Variants in PHACTR4 observed in about 807,000 individuals in gnomAD.
PHACTR4 encodes the protein protein phosphatase 1, regulatory subunit 124.
PHACTR4 carries 51 observed loss-of-function variants against 72.7 expected under a neutral mutation model. That is an observed-to-expected ratio of 0.70 (90% CI 0.56 to 0.89). PHACTR4 has a LOEUF of 0.89. PHACTR4 is among the 40% of genes least tolerant of loss of function. The pLI is 0.00. For synonymous variants in PHACTR4, 255 were observed against 302.5 expected, an observed-to-expected ratio of 0.84 and a Z score of 1.63; for missense variants, 731 against 861.8, an observed-to-expected ratio of 0.85 and a Z score of 1.90.
rs373106184 is a variant in PHACTR4, at chr1:28,491,752, G to A, written c.1981G>A (p.Asp661Asn). The A allele has an allele frequency of 1.8e-5, 29 of 1,614,102 alleles. No individual in the cohort carries two copies. The highest frequency in any genetic ancestry group is 8.8e-5 in the South Asian group (8 of 91,070). The stretch of plus-strand genomic sequence containing the variant: ...TGCTCAAGATTATGACCGGCGAGCC[G>A]ACAAACCTTGGACCAAACTGACCCC... ...TDAQDYDRRADKPWTKLTPAD... is the reference protein window; with the variant it reads ...TDAQDYDRRANKPWTKLTPAD... Residue 661 changes from aspartate (D) to asparagine (N), a missense_variant, in exon 12 of 14, where the codon GAC becomes AAC. Coordinates refer to ENST00000373839, the MANE Select transcript of PHACTR4 (RefSeq NM_001048183.3).
chr1:28,391,563 T>G (rs886604195), intron 1 of PHACTR4, among the ~76,000 whole-genome samples: 6 of 150,756 alleles, frequency 4.0e-5, no homozygotes, highest in Middle Eastern at 3.2e-3. Context: ...ACAAGAAATC[T>G]GTTGTACAAC....
chr1:28,398,212 A>G (rs1653668972), intron 1 of PHACTR4, among the ~76,000 whole-genome samples: 1 of 152,182 alleles, frequency 6.6e-6, no homozygotes, highest in Non-Finnish European at 1.5e-5. Flanking sequence ...TGCCATTAGC[A>G]ACAGCAGCAT....
rs1225913100 is a variant in PHACTR4 at position 28,476,280 on chromosome 1, A to G, written c.1595A>G (p.Glu532Gly). 1 of 1,597,960 alleles carries G rather than the reference A, an allele frequency of 6.3e-7. No homozygotes were observed. Among genetic ancestry groups the G allele is most frequent in the Non-Finnish European group, 8.5e-7 (1 of 1,175,410 alleles). ...IQYRDEEDED[E>G]SYQSALANKV... ...TACCGAGATGAAGAAGATGAAGATGAAAGCTATCAGAGTAAGAAAGGGAGG... is the reference window on the plus strand; with the variant it reads ...TACCGAGATGAAGAAGATGAAGATGGAAGCTATCAGAGTAAGAAAGGGAGG... Residue 532 changes from glutamate to glycine, a missense_variant, in exon 8 of 14, where the codon GAA becomes GGA. Coordinates refer to ENST00000373839, the MANE Select transcript of PHACTR4 (RefSeq NM_001048183.3).
intron 1 of PHACTR4, among the ~76,000 whole-genome samples, chr1:28,395,077 T>C (rs1162335204): frequency 3.3e-5 from 5 of 151,510 alleles, no homozygotes; most frequent in African/African-American, 1.2e-4. Context: ...CCACCCTGGC[T>C]AATTTTTGTA....
At chr1:28,475,273 T>G (rs1407061744) in intron 7 of PHACTR4, among the ~76,000 whole-genome samples, 2 of 151,644 alleles carry the variant, frequency 1.3e-5, no homozygotes, top group Non-Finnish European at 2.9e-5. Flanking sequence ...TTTACTCTTG[T>G]GATTTTTTTT....
chr1:28,473,237 C>G (rs2124502979), intron 6 of PHACTR4, among the ~76,000 whole-genome samples: 1 of 145,902 alleles, frequency 6.9e-6, no homozygotes, highest in South Asian at 2.2e-4. Context: ...GATCGCGCCA[C>G]TGCACTCCAG....
chr1:28,394,710 G>A (rs1653351169), intron 1 of PHACTR4, among the ~76,000 whole-genome samples: 1 of 151,230 alleles, frequency 6.6e-6, no homozygotes, highest in African/African-American at 2.4e-5. Context: ...GATTCTCCTG[G>A]CTCAGCCTCC....
chr1:28,421,119 C>T (rs1287844227), intron 2 of PHACTR4, among the ~76,000 whole-genome samples: 1 of 152,196 alleles, frequency 6.6e-6, no homozygotes, highest in Non-Finnish European at 1.5e-5. Context: ...AACAACGTCA[C>T]TGGCTGACTT....
At chr1:28,496,508 C>G in intron 13 of PHACTR4, 26 bp from the exon 14 acceptor site, 1 of 1,612,642 alleles carries the variant, frequency 6.2e-7, no homozygotes, top group South Asian at 1.1e-5. Context: ...CATGTGGTAA[C>G]TTGTCTCTTT....
intron 9 of PHACTR4, among the ~76,000 whole-genome samples, chr1:28,487,753 T>TTTTA (rs1660789183): frequency 7.0e-6 from 1 of 142,222 alleles, no homozygotes; most frequent in African/African-American, 2.6e-5. Context: ...TTTTTTTTTT[T>TTTTA]GAGATGGAAT....
At chr1:28,418,342 G>T (rs149955543) in intron 2 of PHACTR4, among the ~76,000 whole-genome samples, 1 of 151,584 alleles carries the variant, frequency 6.6e-6, no homozygotes, top group African/African-American at 2.4e-5. Flanking sequence ...ATAGCTGGGC[G>T]TGGTGGCAGG....
Position 28,496,555 on chromosome 1 carries a change from A to C in PHACTR4, c.*6A>C. The C allele has an allele frequency of 6.2e-7, 1 of 1,613,846 alleles. No homozygotes were observed. The highest frequency in any genetic ancestry group is 1.1e-5 in the South Asian group (1 of 91,080). Reference sequence around the variant, plus strand: ...TTAGCTACCATCGTCCATGATGCCAAAGGTTGAGAGAGGAATCAACATGGC... The same window carrying C: ...TTAGCTACCATCGTCCATGATGCCACAGGTTGAGAGAGGAATCAACATGGC... On this transcript the variant is annotated 3_prime_UTR_variant, in exon 14 of 14. Coordinates refer to ENST00000373839, the MANE Select transcript of PHACTR4 (RefSeq NM_001048183.3).
At chr1:28,444,134 T>G (rs1260443127) in intron 2 of PHACTR4, among the ~76,000 whole-genome samples, 2 of 150,984 alleles carry the variant, frequency 1.3e-5, no homozygotes, top group Non-Finnish European at 2.9e-5. Context: ...CTAACTGGGG[T>G]GAGATGATAC....
chr1:28,474,703 C>G (rs921183712), intron 7 of PHACTR4, among the ~76,000 whole-genome samples: 1 of 151,424 alleles, frequency 6.6e-6, no homozygotes, highest in Admixed American at 6.6e-5. Flanking sequence ...CCACCACATT[C>G]GGCTGATTTT....
At chr1:28,477,462 C>A (rs564956980) in intron 8 of PHACTR4, among the ~76,000 whole-genome samples, 1 of 151,986 alleles carries the variant, frequency 6.6e-6, no homozygotes, top group East Asian at 1.9e-4. Flanking sequence ...CATGAGCCAC[C>A]GTGCCTAGCC....
chr1:28,383,959 C>T (rs1017427100), intron 1 of PHACTR4, among the ~76,000 whole-genome samples: 1 of 152,066 alleles, frequency 6.6e-6, no homozygotes, highest in Non-Finnish European at 1.5e-5. Context: ...TGTGATGAAT[C>T]ATATTTACGA....
At chr1:28,429,396 C>A (rs1656083178) in intron 2 of PHACTR4, among the ~76,000 whole-genome samples, 2 of 152,172 alleles carry the variant, frequency 1.3e-5, no homozygotes, top group African/African-American at 4.8e-5. Context: ...AGTTTCACAG[C>A]AGCTCCCAGG....
At chr1:28,472,684 C>T (rs1659635709) in intron 6 of PHACTR4, among the ~76,000 whole-genome samples, 1 of 151,792 alleles carries the variant, frequency 6.6e-6, no homozygotes, top group Non-Finnish European at 1.5e-5. Context: ...TCACTGCAGC[C>T]TCCGCCTCCC....
chr1:28,440,000 G>GT (rs1168313842), intron 2 of PHACTR4, among the ~76,000 whole-genome samples: 5 of 152,088 alleles, frequency 3.3e-5, no homozygotes, highest in Non-Finnish European at 7.4e-5. Context: ...TCTATATACT[G>GT]TATTAAAAAC....
Sources: allele counts gnomAD v4.1 joint callset (sites outside exome capture counted in the v4.1 genomes callset), GRCh38; gene constraint gnomAD v4.1.1; transcripts MANE v1.5; gene names NCBI Gene and HGNC (gene_info 2026-07-23, HGNC 2026-07-21).